The following ADGRB2 variants were observed in gnomAD, a reference collection of about 807,000 sequenced individuals.
The protein encoded by ADGRB2 is adhesion G protein-coupled receptor B2, also known as brain-specific angiogenesis inhibitor 2.
A neutral mutation model predicts 178.7 loss-of-function variants in ADGRB2; 47 were observed. The ratio of observed to expected loss-of-function variants is 0.26; its 90% confidence interval spans 0.21 to 0.34. The LOEUF (loss-of-function observed/expected upper bound fraction) is 0.34, where lower values mean the gene tolerates loss of function less well. Among genes scored for constraint, ADGRB2 ranks in the 10% least tolerant of loss-of-function variants. The pLI is 1.00. For missense variants in ADGRB2, 1,584 were observed against 2,180.8 expected (o/e 0.73, Z 5.45); for synonymous variants, 870 against 912.4 (o/e 0.95, Z 0.84).
At chr1:31,738,411 A>T (rs1645746519) in intron 17 of ADGRB2, 85 bp from the exon 18 acceptor site, 2 of 1,586,046 alleles carry the variant, frequency 1.3e-6, no homozygotes, top group Admixed American at 1.7e-5. Context: ...GGACAGGCTA[A>T]ATCCACAGTA....
intron 20 of ADGRB2, 111 bp from the exon 21 acceptor site, chr1:31,736,834 C>T (rs1412107824): frequency 1.8e-5 from 26 of 1,463,810 alleles, no homozygotes; most frequent in South Asian, 1.5e-4. Flanking sequence ...ACCTGAGCCC[C>T]GCCCCCCACA....
Position 31,727,311 on chromosome 1 carries a change from C to A in ADGRB2, c.*109G>T. 1 of 1,353,746 alleles carries A rather than the reference C, an allele frequency of 7.4e-7. No individual in the cohort carries two copies. 83.9% of individuals were successfully genotyped at this position (1,353,746 alleles called of 1,614,324 possible). The stretch of plus-strand genomic sequence containing the variant: ...GCTGAGTCCACGGCGCCTCCCTGCC[C>A]AGCCCTCGGGAGAGGGGAGAGGGCG... On this transcript the variant is annotated 3_prime_UTR_variant, in exon 33 of 33. Coordinates refer to ENST00000373658, the MANE Select transcript of ADGRB2 (RefSeq NM_001364857.2). This position sits in a 1 kb window ranked among gnomAD's most constrained non-coding sequence, Gnocchi z 4.4.
Position 31,731,319 on chromosome 1 carries a change from C to T in ADGRB2, c.3861G>A (p.Val1287=). ...DEDEEPKSCL[V]GPEGSLSFSP... is the part of the protein sequence containing the mutation. ...AGAAGCTGAGGCTGCCCTCAGGGCCCACGAGGCAGGACTTGGGCTCCTCAT... is the reference window on the plus strand; with the variant it reads ...AGAAGCTGAGGCTGCCCTCAGGGCCTACGAGGCAGGACTTGGGCTCCTCAT... Residue 1287 remains valine, a synonymous_variant, in exon 29 of 33, where the codon GTG becomes GTA. Coordinates refer to ENST00000373658, the MANE Select transcript of ADGRB2 (RefSeq NM_001364857.2). 6.2e-7 allele frequency: 1 copy of T among 1,612,746 alleles called. No homozygotes were observed. The highest frequency in any genetic ancestry group is 1.1e-5 in the South Asian group (1 of 90,974).
At chr1:31,752,412 G>A (rs1646622402) in intron 4 of ADGRB2, among the ~76,000 whole-genome samples, 1 of 152,164 alleles carries the variant, frequency 6.6e-6, no homozygotes, top group Admixed American at 6.5e-5. Flanking sequence ...CCCCCACCCT[G>A]CCTCCTCACT....
chr1:31,737,878 T>C (rs1645710103), intron 18 of ADGRB2, 123 bp from the exon 19 acceptor site: 1 of 920,680 alleles, frequency 1.1e-6, no homozygotes, highest in Non-Finnish European at 1.7e-6. Context: ...CTTCTTGCTG[T>C]TGTACTCATG....
chr1:31,751,787 T>G (rs1024578414), intron 4 of ADGRB2, among the ~76,000 whole-genome samples: 1 of 152,220 alleles, frequency 6.6e-6, no homozygotes, highest in Non-Finnish European at 1.5e-5. Flanking sequence ...TCACCTTCTT[T>G]AGAGCACCTT....
In ADGRB2 at chr1:31,759,320, C is replaced by A. The variant is rs1646971119; in HGVS notation, c.-190-1809G>T. 2 of 779,626 alleles carry A rather than the reference C, an allele frequency of 2.6e-6. No individual in the cohort carries two copies. The highest frequency in any genetic ancestry group is 1.7e-5 in the African/African-American group (1 of 59,144). 48.3% of individuals were successfully genotyped at this position (779,626 alleles called of 1,614,324 possible). A position where few individuals can be genotyped will look rare whatever the true frequency, so the allele number is the denominator to read the frequency against. ...ACACGCATTCTCGACTGAGAACACA[C>A]ATGAGTATCTGGCCCTCTGAGGCTC... On this transcript the variant is annotated intron_variant, in intron 1 of 32. Coordinates refer to ENST00000373658, the MANE Select transcript of ADGRB2 (RefSeq NM_001364857.2). The surrounding 1 kb of genome is among the most constrained non-coding windows in gnomAD (Gnocchi z 4.3).
rs74861388 is a variant in ADGRB2 at position 31,739,848 on chromosome 1, G to A, written c.2167+78C>T. 1.4e-4 allele frequency: 186 copies of A among 1,370,412 alleles called. No individual in the cohort carries two copies. The East Asian group carries it at 4.0e-3, about 29-fold the overall frequency. The allele number at this position is 1,370,412 out of a possible 1,614,324, so 84.9% of individuals were successfully genotyped here. A position where few individuals can be genotyped will look rare whatever the true frequency, so the allele number is the denominator to read the frequency against. On this transcript the variant is annotated intron_variant, in intron 14 of 32. Transcript: ENST00000373658. ...AATGTGGACAGAAAGATACAAATAC[G>A]GGGTTAGGTAGAGGAAAGACAGAAC...
intron 4 of ADGRB2, among the ~76,000 whole-genome samples, chr1:31,746,636 C>T (rs1446951274): frequency 6.6e-6 from 1 of 152,170 alleles, no homozygotes; most frequent in Non-Finnish European, 1.5e-5. Flanking sequence ...GTCCTCTCTC[C>T]TCAAGCTCAT....
In ADGRB2 at chr1:31,754,570, GC is replaced by G. The variant is rs1438386335; in HGVS notation, c.838+1428del. Among the ~76,000 whole-genome samples, 4 of 152,362 alleles carry G rather than the reference GC, an allele frequency of 2.6e-5. No individual in the cohort carries two copies. The highest frequency in any genetic ancestry group is 2.1e-4 in the South Asian group (1 of 4,832). On this transcript the variant is annotated intron_variant, in intron 4 of 32. Coordinates refer to ENST00000373658, the MANE Select transcript of ADGRB2 (RefSeq NM_001364857.2). The surrounding 1 kb of genome is among the most constrained non-coding windows in gnomAD (Gnocchi z 5.7). ...CTCCAGGGCCTGTAACCTACCCGCG[GC>G]CCGGCTGTCACTCGGACGGCTTCAT...
Position 31,741,817 on chromosome 1 carries a change from C to T in ADGRB2, c.1568G>A (p.Ser523Asn). 3 of 1,595,502 alleles carry T rather than the reference C, an allele frequency of 1.9e-6. No homozygotes were observed. Among genetic ancestry groups the T allele is most frequent in the South Asian group, 2.2e-5 (2 of 89,018 alleles). Reference protein sequence around the residue: ...EGTGEEVKPCSEKRCPAFHEM... With the variant: ...EGTGEEVKPCNEKRCPAFHEM... ...GGCAGTACCTGGACACCTCTTCTCA[C>T]TACAAGGCTTCACCTCCTCTCCGGT... The change falls in exon 9 of 33, where the codon AGT becomes AAT. Residue 523 changes from serine (S) to asparagine (N), a missense_variant. Coordinates refer to ENST00000373658, the MANE Select transcript of ADGRB2 (RefSeq NM_001364857.2). This position sits in a 1 kb window ranked among gnomAD's most constrained non-coding sequence, Gnocchi z 6.5.
Position 31,739,523 on chromosome 1 carries a change from G to A in ADGRB2, c.2280C>T (p.Phe760=), listed in dbSNP as rs1350972266. The part of the protein sequence containing the change: ...DWVRHSEDRL[F]LPKEVLSLSS... The stretch of plus-strand genomic sequence containing the variant: ...AGAGGCTGAGCACCTCCTTGGGCAG[G>A]AAGAGGCGGTCCTCTGAGTGCCGCA... The change falls in exon 15 of 33, where the codon TTC becomes TTT. Residue 760 remains phenylalanine (F), a synonymous_variant. Coordinates refer to ENST00000373658, the MANE Select transcript of ADGRB2 (RefSeq NM_001364857.2). 6.2e-7 allele frequency: 1 copy of A among 1,613,050 alleles called. No homozygotes were observed. Among genetic ancestry groups the A allele is most frequent in the South Asian group, 1.1e-5 (1 of 91,082 alleles).
chr1:31,739,170 A>G, intron 15 of ADGRB2, 138 bp downstream of exon 15: 1 of 1,034,488 alleles, frequency 9.7e-7, no homozygotes, highest in South Asian at 1.8e-5. Context: ...GCATGTGTCC[A>G]GAGCCAGGCA....
Position 31,735,466 on chromosome 1 carries a change from C to T in ADGRB2, c.3353+114G>A, listed in dbSNP as rs1405727821. 7.1e-7 allele frequency: 1 copy of T among 1,401,118 alleles called. No homozygotes were observed. The highest frequency in any genetic ancestry group is 9.9e-7 in the Non-Finnish European group (1 of 1,009,134). The allele number at this position is 1,401,118 out of a possible 1,614,324, so 86.8% of individuals were successfully genotyped here. A position where few individuals can be genotyped will look rare whatever the true frequency, so the allele number is the denominator to read the frequency against. ...CACCTTGCCTGCAACCTTGATGCAC[C>T]AAGGTTGGGGAGCCCCGGTCGCATC... On this transcript the variant is annotated intron_variant, in intron 24 of 32. Coordinates refer to ENST00000373658, the MANE Select transcript of ADGRB2 (RefSeq NM_001364857.2). This position sits in a 1 kb window ranked among gnomAD's most constrained non-coding sequence, Gnocchi z 6.0.
At chr1:31,730,209 C>T (rs912064143) in intron 29 of ADGRB2, among the ~76,000 whole-genome samples, 25 of 152,204 alleles carry the variant, frequency 1.6e-4, no homozygotes, top group African/African-American at 5.5e-4. Flanking sequence ...GGCAGGGACC[C>T]GGAGGGGTTT....
chr1:31,763,093 G>T (rs894087086), intron 1 of ADGRB2, among the ~76,000 whole-genome samples: 1 of 152,230 alleles, frequency 6.6e-6, no homozygotes, highest in African/African-American at 2.4e-5. Flanking sequence ...TATGACCAGG[G>T]GTGGGAGGAT....
In ADGRB2 at chr1:31,730,786, C is replaced by T; in HGVS notation, c.4380+14G>A. 6.7e-7 allele frequency: 1 copy of T among 1,492,918 alleles called. No homozygotes were observed. The highest frequency in any genetic ancestry group is 8.9e-7 in the Non-Finnish European group (1 of 1,121,932). 92.5% of individuals were successfully genotyped at this position (1,492,918 alleles called of 1,614,324 possible). ...CAGTCTCAGACACACACCCCATTCC[C>T]TACAGCCCCTCACCTCCAGGGAGCC... On this transcript the variant is annotated intron_variant, in intron 29 of 32. Transcript: ENST00000373658.
rs543584085 is a variant in ADGRB2 at position 31,728,747 on chromosome 1, C to T, written c.4381-114G>A. 3.1e-6 allele frequency: 4 copies of T among 1,296,716 alleles called. No individual in the cohort carries two copies. Among genetic ancestry groups the T allele is most frequent in the African/African-American group, 1.5e-5 (1 of 68,026 alleles). 80.3% of individuals were successfully genotyped at this position (1,296,716 alleles called of 1,614,324 possible). A position where few individuals can be genotyped will look rare whatever the true frequency, so the allele number is the denominator to read the frequency against. ...GGGGTCTGCCCGCTGCACCTTCCCC[C>T]CAACCCAGGCCCAGAAGTTGCGGAC... On this transcript the variant is annotated intron_variant, in intron 29 of 32. Transcript: ENST00000373658. The surrounding 1 kb of genome is among the most constrained non-coding windows in gnomAD (Gnocchi z 6.7).
chr1:31,748,179 G>C (rs903905255), intron 4 of ADGRB2, among the ~76,000 whole-genome samples: 21 of 152,342 alleles, frequency 1.4e-4, no homozygotes, highest in Non-Finnish European at 2.1e-4. Context: ...AACAGGAGGG[G>C]CAGGGCGAAG....
Sources: allele counts gnomAD v4.1 joint callset (sites outside exome capture counted in the v4.1 genomes callset), GRCh38; gene constraint gnomAD v4.1.1; non-coding constraint Gnocchi (gnomAD v3.1); transcripts MANE v1.5; gene names NCBI Gene and HGNC (gene_info 2026-07-23, HGNC 2026-07-21).